IL20RB: variants seen among roughly 807,000 people sequenced by gnomAD.
IL20RB encodes the protein interleukin-20 receptor subunit beta.
In IL20RB, 21 loss-of-function variants were observed where a neutral mutation model predicts 33.3. The ratio of observed to expected loss-of-function variants is 0.63; its 90% CI spans 0.45 to 0.91. The LOEUF (loss-of-function observed/expected upper bound fraction) is 0.91, where lower values mean the gene tolerates loss of function less well. Among genes scored for constraint, IL20RB ranks in the 40% least tolerant of loss-of-function variants. The pLI, the probability that IL20RB is intolerant of heterozygous loss-of-function variation, is 0.00. For synonymous variants in IL20RB, 147 were observed against 146.8 expected (o/e 1.00, Z -0.01); for missense variants, 345 against 384.8 (o/e 0.90, Z 0.86).
chr3:136,987,187 G>A (rs573004809), intron 3 of IL20RB, among the ~76,000 whole-genome samples: 7 of 152,004 alleles, frequency 4.6e-5, no homozygotes, highest in East Asian at 1.9e-4. Flanking sequence ...CCCCACCCAC[G>A]TCCTGCTGAT....
At position 136,989,577 on chromosome 3, in the gene IL20RB, G is replaced by C; in HGVS notation, c.531+12G>C. The C allele has an allele frequency of 1.2e-6, 2 of 1,613,476 alleles. No homozygotes were observed. Among genetic ancestry groups the C allele is most frequent in the Non-Finnish European group, 1.7e-6 (2 of 1,179,646 alleles). On this transcript the variant is annotated intron_variant, in intron 4 of 6. Transcript: ENST00000329582. ...AGCCTGGTGCCGAGGTGAGACTCCA[G>C]CCTTGGCCTTTGGGTCAGGCTTCGG...
intron 1 of IL20RB, among the ~76,000 whole-genome samples, chr3:136,978,273 C>A (rs1941678277): frequency 6.6e-6 from 1 of 151,152 alleles, no homozygotes; most frequent in South Asian, 2.1e-4. Flanking sequence ...TCAAGCAAGT[C>A]TCCTGCCTCA....
intron 1 of IL20RB, among the ~76,000 whole-genome samples, chr3:136,975,117 C>A (rs1941583094): frequency 6.6e-6 from 1 of 151,986 alleles, no homozygotes; most frequent in Non-Finnish European, 1.5e-5. Context: ...TCAAAAATTT[C>A]TTTTTGATTA....
Position 137,004,348 on chromosome 3 carries a change from T to G in IL20RB, c.826-5765T>G, listed in dbSNP as rs150309849. Among the ~76,000 whole-genome samples, 1,337 of 152,338 alleles carry G rather than the reference T, an allele frequency of 8.8e-3. 21 individuals are homozygous for G. The highest frequency in any genetic ancestry group is 0.031 in the African/African-American group (1,277 of 41,572). On this transcript the variant is annotated intron_variant, in intron 6 of 6. Transcript: ENST00000329582. Reference sequence around the variant, plus strand: ...TAGTTTCAGAAGGAATGGTACCAGCTCCTCTTTGTACCGCTGGTAGAATTC... The same window carrying G: ...TAGTTTCAGAAGGAATGGTACCAGCGCCTCTTTGTACCGCTGGTAGAATTC...
intron 6 of IL20RB, among the ~76,000 whole-genome samples, chr3:136,999,153 G>A (rs1206699942): frequency 6.6e-6 from 1 of 152,054 alleles, no homozygotes; most frequent in Admixed American, 6.6e-5. Context: ...CTGGAGTGCA[G>A]TGGCATGATT....
At chr3:136,994,731 T>A (rs1347939865) in intron 5 of IL20RB, among the ~76,000 whole-genome samples, 1 of 152,198 alleles carries the variant, frequency 6.6e-6, no homozygotes, top group African/African-American at 2.4e-5. Flanking sequence ...TTTGGTAGAA[T>A]GACTGTGAGC....
intron 3 of IL20RB, among the ~76,000 whole-genome samples, chr3:136,985,377 G>T (rs994841235): frequency 9.3e-5 from 13 of 139,252 alleles, no homozygotes; most frequent in South Asian, 2.3e-4. Context: ...CGCTCTTGTT[G>T]CCCAGGCTGG....
chr3:136,962,928 C>A (rs1244606042), intron 1 of IL20RB, among the ~76,000 whole-genome samples: 1 of 148,660 alleles, frequency 6.7e-6, no homozygotes, highest in Non-Finnish European at 1.5e-5. Flanking sequence ...AATACTGAAG[C>A]TTAGTTAATA....
chr3:136,982,298 C>T lies in IL20RB; in HGVS notation c.354C>T (p.Gly118=). The change falls in exon 3 of 7, where the codon GGC becomes GGT. Residue 118 remains glycine (G), a synonymous_variant. Coordinates refer to ENST00000329582, the MANE Select transcript of IL20RB (RefSeq NM_144717.4). ...PYNLRVRATL[G]SQTSAWSILK... is the part of the protein sequence containing the mutation. Reference sequence around the variant, plus strand: ...ACCTTCGTGTCAGGGCCACATTGGGCTCACAGACCTCAGCCTGGAGCATCC... The same window carrying T: ...ACCTTCGTGTCAGGGCCACATTGGGTTCACAGACCTCAGCCTGGAGCATCC... 1 of 1,609,446 alleles carries T rather than the reference C, an allele frequency of 6.2e-7. No homozygotes were observed. The highest frequency in any genetic ancestry group is 1.1e-5 in the South Asian group (1 of 90,852).
Position 136,995,401 on chromosome 3 carries a change from CT to C in IL20RB, c.683-9del. On this transcript the variant is annotated splice_polypyrimidine_tract_variant and intron_variant, in intron 5 of 6. Coordinates refer to ENST00000329582, the MANE Select transcript of IL20RB (RefSeq NM_144717.4). ...TGCTGTTTTCTAAGCCTGTTTTTAT[CT>C]TTTGTTTCCAGGAGAGGCCATTCCC... 6.2e-7 allele frequency: 1 copy of C among 1,612,904 alleles called. No individual in the cohort carries two copies. Among genetic ancestry groups the C allele is most frequent in the South Asian group, 1.1e-5 (1 of 90,896 alleles).
chr3:137,010,738 A>G lies in IL20RB; in HGVS notation c.*515A>G, dbSNP rs1560080661. ...GGCTTGGAGAGCCCACTTTCCCAGA[A>G]TAATCCTTGAGAGAAAAGGAATCAT... is the stretch of plus-strand genomic sequence containing the variant. On this transcript the variant is annotated 3_prime_UTR_variant, in exon 7 of 7. Coordinates refer to ENST00000329582, the MANE Select transcript of IL20RB (RefSeq NM_144717.4). The G allele has an allele frequency of 6.6e-6, 1 of 152,464 alleles. No individual in the cohort carries two copies. Among genetic ancestry groups the G allele is most frequent in the Non-Finnish European group, 1.5e-5 (1 of 68,236 alleles). 9.4% of individuals were successfully genotyped at this position (152,464 alleles called of 1,614,324 possible).
At position 136,980,565 on chromosome 3, in the gene IL20RB, C is replaced by CA; in HGVS notation, c.189dup (p.Val64SerfsTer30). On this transcript the variant is annotated frameshift_variant, in exon 2 of 7. Transcript: ENST00000329582. LOFTEE classifies it high-confidence loss of function. ...AGCCCAGTGATCGCGCCTGGAGAAA[C>CA]AGTGTACTATTCTGTCGAATACCAG... The CA allele has an allele frequency of 6.2e-7, 1 of 1,614,186 alleles. No homozygotes were observed. Among genetic ancestry groups the CA allele is most frequent in the South Asian group, 1.1e-5 (1 of 91,084 alleles).
chr3:136,986,147 A>C (rs998881182), intron 3 of IL20RB, among the ~76,000 whole-genome samples: 26 of 152,074 alleles, frequency 1.7e-4, no homozygotes, highest in African/African-American at 6.3e-4. Flanking sequence ...TGGGAGGCGG[A>C]GCTTGCAGTG....
At chr3:136,985,563 C>T (rs1197931539) in intron 3 of IL20RB, among the ~76,000 whole-genome samples, 1 of 152,142 alleles carries the variant, frequency 6.6e-6, no homozygotes, top group Non-Finnish European at 1.5e-5. Context: ...TCTCGAACTC[C>T]TGACCTCAGG....
At chr3:137,000,781 C>T (rs979204061) in intron 6 of IL20RB, among the ~76,000 whole-genome samples, 2 of 152,174 alleles carry the variant, frequency 1.3e-5, no homozygotes, top group African/African-American at 4.8e-5. Context: ...CAGCTGGGCT[C>T]CATCAGATGG....
intron 6 of IL20RB, 58 bp from the exon 7 acceptor site, chr3:137,010,042 ATGTAATAATATTC>A (rs1933045426): frequency 2.6e-6 from 2 of 767,874 alleles, no homozygotes; most frequent in Non-Finnish European, 4.5e-6. Flanking sequence ...ATAGTTAAAA[ATGTAATAATATTC>A]TTTAGTATTA....
intron 3 of IL20RB, among the ~76,000 whole-genome samples, chr3:136,982,599 G>T (rs1941803979): frequency 6.6e-6 from 1 of 152,182 alleles, no homozygotes; most frequent in South Asian, 2.1e-4. Context: ...AGGTGTTGGG[G>T]ATGCTGACAT....
At chr3:136,966,630 A>T (rs1941359096) in intron 1 of IL20RB, among the ~76,000 whole-genome samples, 2 of 67,070 alleles carry the variant, frequency 3.0e-5, no homozygotes, top group African/African-American at 6.5e-5. Flanking sequence ...AATTTTGTTG[A>T]TCCTTTCAAA....
chr3:136,980,700 T>A, intron 2 of IL20RB, 108 bp downstream of exon 2: 1 of 1,130,830 alleles, frequency 8.8e-7, no homozygotes, highest in Non-Finnish European at 1.3e-6. Flanking sequence ...AGGGATAGAT[T>A]ATCCCCAAAG....
Sources: allele counts gnomAD v4.1 joint callset (sites outside exome capture counted in the v4.1 genomes callset), GRCh38; gene constraint gnomAD v4.1.1; transcripts MANE v1.5; gene names NCBI Gene and HGNC (gene_info 2026-07-23, HGNC 2026-07-21).